Variants in PCDHA6 observed in about 807,000 individuals in gnomAD.
The protein encoded by PCDHA6 is protocadherin alpha 6.
PCDHA6 carries 55 observed loss-of-function variants against 60.3 expected under a neutral mutation model. That is an observed-to-expected ratio of 0.91 (90% CI 0.73 to 1.14). The LOEUF (loss-of-function observed/expected upper bound fraction) is 1.14, where lower values mean the gene tolerates loss of function less well. Among genes scored for constraint, PCDHA6 ranks in the 50% most tolerant of loss-of-function variants. The pLI, the probability that PCDHA6 is intolerant of heterozygous loss-of-function variation, is 0.00. For missense variants in PCDHA6, 1,327 were observed against 1,256.5 expected (o/e 1.06, Z -0.85); for synonymous variants, 652 against 557.9 (o/e 1.17, Z -2.38).
intron 1 of PCDHA6, chr5:140,860,230 A>G (rs1282358261): frequency 6.6e-6 from 1 of 151,076 alleles, no homozygotes; most frequent in Non-Finnish European, 1.5e-5. Context: ...TATATAAGCC[A>G]GGCATGGTGG....
intron 3 of PCDHA6, among the ~76,000 whole-genome samples, chr5:140,992,572 G>T (rs1441448703): frequency 2.0e-5 from 3 of 152,148 alleles, no homozygotes; most frequent in Non-Finnish European, 4.4e-5. Flanking sequence ...AACACATATT[G>T]CCTGCCTTGT....
At chr5:140,934,129 T>G (rs150501213) in intron 1 of PCDHA6, among the ~76,000 whole-genome samples, 326 of 152,294 alleles carry the variant, frequency 2.1e-3, no homozygotes, top group African/African-American at 7.4e-3. Context: ...CTTTATTAAT[T>G]TATTTCCTTC....
chr5:140,919,926 TG>T (rs1366281727), intron 1 of PCDHA6, among the ~76,000 whole-genome samples: 3 of 152,088 alleles, frequency 2.0e-5, no homozygotes, highest in African/African-American at 7.2e-5. Flanking sequence ...AATTTTCAGG[TG>T]GGGGCTAATT....
intron 1 of PCDHA6, among the ~76,000 whole-genome samples, chr5:140,951,383 G>A (rs782698893): frequency 1.2e-4 from 19 of 152,064 alleles, no homozygotes; most frequent in Non-Finnish European, 2.6e-4. Flanking sequence ...CCAAGACTCG[G>A]TAATTTATAA....
intron 1 of PCDHA6, chr5:140,853,207 G>A: frequency 2.0e-6 from 2 of 983,504 alleles, no homozygotes; most frequent in Non-Finnish European, 2.5e-6. Context: ...ATTGACGGCT[G>A]TATTGATGGG....
At chr5:140,860,209 G>A (rs1263350528) in intron 1 of PCDHA6, 13 of 147,554 alleles carry the variant, frequency 8.8e-5, no homozygotes, top group Middle Eastern at 7.1e-3. Context: ...ATCTATATAT[G>A]TACTTATGTA....
chr5:140,834,414 G>T, intron 1 of PCDHA6: 1 of 1,611,396 alleles, frequency 6.2e-7, no homozygotes. Flanking sequence ...CGACCCAGGG[G>T]GCCGACATCT....
intron 1 of PCDHA6, among the ~76,000 whole-genome samples, chr5:140,933,411 T>C (rs1174569571): frequency 6.6e-6 from 1 of 152,084 alleles, no homozygotes; most frequent in Non-Finnish European, 1.5e-5. Flanking sequence ...CATCTACAGA[T>C]ATTCTGTGTT....
chr5:140,828,790 G>T lies in PCDHA6; in HGVS notation c.699G>T (p.Leu233=). The change falls in exon 1 of 4, where the codon CTG becomes CTT. Residue 233 remains leucine (L), a synonymous_variant. Coordinates refer to ENST00000529310, the MANE Select transcript of PCDHA6 (RefSeq NM_018909.4). The part of the protein sequence containing the change: ...TGTVQLLVTV[L]DVNDNAPTFE... The stretch of plus-strand genomic sequence containing the variant: ...CTGTTCAGCTGCTGGTCACAGTGCT[G>T]GATGTGAATGATAATGCTCCCACTT... 1 of 1,614,182 alleles carries T rather than the reference G, an allele frequency of 6.2e-7. No individual in the cohort carries two copies. Among genetic ancestry groups the T allele is most frequent in the Non-Finnish European group, 8.5e-7 (1 of 1,180,026 alleles).
intron 1 of PCDHA6, among the ~76,000 whole-genome samples, chr5:140,910,353 A>G (rs938677700): frequency 1.1e-4 from 16 of 152,306 alleles, no homozygotes; most frequent in African/African-American, 3.8e-4. Context: ...TCTGCTGTCC[A>G]TTATGGTAGC....
chr5:140,874,545 A>G (rs1362898895), intron 1 of PCDHA6, among the ~76,000 whole-genome samples: 1 of 152,240 alleles, frequency 6.6e-6, no homozygotes, highest in Non-Finnish European at 1.5e-5. Context: ...AAAACCCTTT[A>G]AGAGATCTTT....
rs1310366696 is a variant in PCDHA6 at position 140,890,210 on chromosome 5, T to A, written c.2394+59725T>A. Among the ~76,000 whole-genome samples the A allele has an allele frequency of 5.3e-5, 8 of 152,148 alleles. 1 individual carries two copies. Among genetic ancestry groups the A allele is most frequent in the Admixed American group, 3.3e-4 (5 of 15,270 alleles). On this transcript the variant is annotated intron_variant, in intron 1 of 3. Coordinates refer to ENST00000529310, the MANE Select transcript of PCDHA6 (RefSeq NM_018909.4). ...AACAGAGTTTTTTGTTTTTCTTTTT[T>A]CCCAGAGACCTAGTTGTTAAGCATT... is the stretch of plus-strand genomic sequence containing the variant.
intron 1 of PCDHA6, among the ~76,000 whole-genome samples, chr5:140,941,206 T>TCTTCCTTC (rs201128549): frequency 1.0e-4 from 10 of 95,674 alleles, no homozygotes; most frequent in African/African-American, 3.6e-4. Flanking sequence ...TTTCTTCCTT[T>TCTTCCTTC]CTTTCTTCCT....
At chr5:140,857,864 C>T (rs782625866) in intron 1 of PCDHA6, 4 of 1,597,766 alleles carry the variant, frequency 2.5e-6, no homozygotes, top group Middle Eastern at 3.4e-4. Flanking sequence ...CAACGCGTGG[C>T]TGTCGTATGA....
At chr5:140,870,273 C>T in intron 1 of PCDHA6, 10 of 1,614,192 alleles carry the variant, frequency 6.2e-6, no homozygotes, top group Non-Finnish European at 8.5e-6. Flanking sequence ...CGCTGACGCC[C>T]CACGTTCCCT....
chr5:140,928,836 C>G, intron 1 of PCDHA6: 2 of 1,614,168 alleles, frequency 1.2e-6, no homozygotes, highest in South Asian at 2.2e-5. Context: ...CACTTTCCTC[C>G]TCTGTCACTC....
chr5:140,942,679 G>C (rs549826522), intron 1 of PCDHA6, among the ~76,000 whole-genome samples: 1 of 152,020 alleles, frequency 6.6e-6, no homozygotes, highest in African/African-American at 2.4e-5. Context: ...AAAGTTTTAG[G>C]AATAACTTTA....
At chr5:140,892,349 T>C (rs1266203354) in intron 1 of PCDHA6, among the ~76,000 whole-genome samples, 2 of 152,248 alleles carry the variant, frequency 1.3e-5, no homozygotes, top group Admixed American at 6.5e-5. Context: ...TAATTGACTT[T>C]TGCCAGGCAT....
At chr5:140,943,729 A>C (rs1215938127) in intron 1 of PCDHA6, among the ~76,000 whole-genome samples, 2 of 152,256 alleles carry the variant, frequency 1.3e-5, no homozygotes, top group Non-Finnish European at 2.9e-5. Context: ...TGAGAGAATG[A>C]AAGTCCACAG....
Sources: allele counts gnomAD v4.1 joint callset (sites outside exome capture counted in the v4.1 genomes callset), GRCh38; gene constraint gnomAD v4.1.1; transcripts MANE v1.5; gene names NCBI Gene and HGNC (gene_info 2026-07-23, HGNC 2026-07-21).